ANO3: variants seen among roughly 807,000 people sequenced by gnomAD.
The protein encoded by ANO3 is anoctamin 3.
Under a neutral mutation model 144.8 loss-of-function variants are expected in ANO3, and 99 were observed. The ratio of observed to expected loss-of-function variants is 0.68; its 90% CI spans 0.58 to 0.81. The LOEUF (loss-of-function observed/expected upper bound fraction) is 0.81. ANO3 is among the 30% of genes least tolerant of loss of function. ANO3 has a pLI of 0.00. For missense variants in ANO3, 905 were observed against 1,202.2 expected, an observed-to-expected ratio of 0.75 and a Z score of 3.66; for synonymous variants, 414 against 392.6, an observed-to-expected ratio of 1.05 and a Z score of -0.64.
chr11:26,658,124 C>CATTTTGAGTTTATTTTTGA (rs71047872), intron 26 of ANO3, among the ~76,000 whole-genome samples: 82,045 of 151,352 alleles, frequency 0.54, 23,547 homozygotes, highest in South Asian at 0.72. Flanking sequence ...GTCTTTAATC[C>CATTTTGAGTTTATTTTTGA]ATTTGGTAAG....
chr11:26,543,948 T>A lies in ANO3; in HGVS notation c.1154+1880T>A, dbSNP rs1493742. Among the ~76,000 whole-genome samples, 996 of 151,498 alleles carry A rather than the reference T, an allele frequency of 6.6e-3. 6 individuals are homozygous for A. Among genetic ancestry groups the A allele is most frequent in the South Asian group, 0.03 (144 of 4,790 alleles). On this transcript the variant is annotated intron_variant, in intron 11 of 26. Transcript: ENST00000256737. Reference sequence around the variant, plus strand: ...TTTTAATTTCAAACATTAAGTGTTTTGGTATGTTCAGAACCAAGATGTTTT... The same window carrying A: ...TTTTAATTTCAAACATTAAGTGTTTAGGTATGTTCAGAACCAAGATGTTTT...
At chr11:26,310,694 T>A (rs964749705) in intron 1 of ANO3, among the ~76,000 whole-genome samples, 1 of 152,236 alleles carries the variant, frequency 6.6e-6, no homozygotes, top group Admixed American at 6.5e-5. Context: ...ATAGACACTA[T>A]AACTGCCAGT....
chr11:26,586,617 C>T (rs558212085), intron 14 of ANO3, among the ~76,000 whole-genome samples: 17 of 150,760 alleles, frequency 1.1e-4, no homozygotes, highest in Non-Finnish European at 2.2e-4. Flanking sequence ...ATTCTCCTGC[C>T]TCAGCCTCCC....
intron 1 of ANO3, among the ~76,000 whole-genome samples, chr11:26,208,512 C>CAAAAAAAAAAAAAAAAAAAAAAAAAAAAA (rs67196052): frequency 3.3e-5 from 4 of 121,746 alleles, no homozygotes; most frequent in African/African-American, 1.4e-4. Context: ...GACTCCGTCT[C>CAAAAAAAAAAAAAAAAAAAAAAAAAAAAA]AAAAAAAAAA....
intron 1 of ANO3, among the ~76,000 whole-genome samples, chr11:26,344,106 T>C (rs1855436013): frequency 6.6e-6 from 1 of 152,198 alleles, no homozygotes; most frequent in Admixed American, 6.5e-5. Flanking sequence ...ATTTCTTATA[T>C]AGCAGTAGTA....
intron 1 of ANO3, among the ~76,000 whole-genome samples, chr11:26,211,978 T>G (rs34391855): frequency 0.3 from 45,916 of 151,942 alleles, 7,676 homozygotes; most frequent in Non-Finnish European, 0.37. Flanking sequence ...AAACACTGCA[T>G]GTTCTCACTG....
intron 14 of ANO3, among the ~76,000 whole-genome samples, chr11:26,569,954 T>G (rs1850754452): frequency 6.6e-6 from 1 of 152,142 alleles, no homozygotes; most frequent in South Asian, 2.1e-4. Flanking sequence ...TTTTTGCATC[T>G]GGGTGGTAGC....
At chr11:26,267,788 T>C (rs1853347392) in intron 1 of ANO3, among the ~76,000 whole-genome samples, 1 of 152,182 alleles carries the variant, frequency 6.6e-6, no homozygotes, top group Non-Finnish European at 1.5e-5. Flanking sequence ...AATATTCCCT[T>C]TGCTGTGTCC....
At chr11:26,635,119 C>A in intron 20 of ANO3, 49 bp downstream of exon 20, 1 of 1,523,680 alleles carries the variant, frequency 6.6e-7, no homozygotes, top group Non-Finnish European at 9.1e-7. Flanking sequence ...GGATATGGGC[C>A]AGTTACTGCG....
intron 4 of ANO3, among the ~76,000 whole-genome samples, chr11:26,506,881 T>G (rs900187599): frequency 3.3e-5 from 5 of 152,196 alleles, no homozygotes; most frequent in Non-Finnish European, 7.3e-5. Context: ...CACCTGGAGC[T>G]GCCTATCTGC....
intron 1 of ANO3, among the ~76,000 whole-genome samples, chr11:26,243,339 C>CTT (rs1030346024): frequency 6.8e-6 from 1 of 147,378 alleles, no homozygotes; most frequent in South Asian, 2.2e-4. Context: ...AAAGTAAAGG[C>CTT]TTTTTTTTTT....
At chr11:26,479,861 G>C (rs1397577148) in intron 4 of ANO3, among the ~76,000 whole-genome samples, 1 of 152,182 alleles carries the variant, frequency 6.6e-6, no homozygotes, top group East Asian at 1.9e-4. Context: ...ATCTTTAGCA[G>C]TGCTTCCACT....
chr11:26,560,961 A>G, intron 14 of ANO3: 1 of 1,158,550 alleles, frequency 8.6e-7, no homozygotes, highest in African/African-American at 1.6e-5. Context: ...CTCCTTGACA[A>G]AATCCACGTG....
At chr11:26,195,363 G>T (rs1228694199) in intron 1 of ANO3, among the ~76,000 whole-genome samples, 22 of 152,190 alleles carry the variant, frequency 1.4e-4, no homozygotes, top group Non-Finnish European at 8.8e-5. Flanking sequence ...AAAGGAAAAT[G>T]AGGTTATGTA....
intron 7 of ANO3, among the ~76,000 whole-genome samples, chr11:26,529,583 G>T (rs935582553): frequency 6.8e-6 from 1 of 146,082 alleles, no homozygotes; most frequent in Non-Finnish European, 1.5e-5. Flanking sequence ...GTTGGCCAAA[G>T]AAATATTGAG....
At chr11:26,259,664 T>TC (rs371266149) in intron 1 of ANO3, among the ~76,000 whole-genome samples, 2,712 of 143,270 alleles carry the variant, frequency 0.019, 52 homozygotes, top group East Asian at 0.11. Flanking sequence ...CGAGACTCCA[T>TC]AAAAAAAAAA....
intron 4 of ANO3, among the ~76,000 whole-genome samples, chr11:26,489,092 A>T (rs999304818): frequency 2.6e-5 from 4 of 152,102 alleles, no homozygotes; most frequent in Non-Finnish European, 4.4e-5. Context: ...TTCACCTCTC[A>T]CCATCACAGG....
chr11:26,419,454 C>T (rs1425436362), intron 1 of ANO3, among the ~76,000 whole-genome samples: 1 of 152,042 alleles, frequency 6.6e-6, no homozygotes, highest in Non-Finnish European at 1.5e-5. Context: ...AAAAAGAATG[C>T]CTACCATGTA....
intron 1 of ANO3, among the ~76,000 whole-genome samples, chr11:26,350,553 C>G (rs1855621667): frequency 6.6e-6 from 1 of 152,118 alleles, no homozygotes; most frequent in Non-Finnish European, 1.5e-5. Context: ...TCTATTTAAT[C>G]TATTTCCAGT....
Sources: gnomAD v4.1 joint callset for allele counts (sites outside exome capture counted in the v4.1 genomes callset) on GRCh38, gnomAD v4.1.1 for gene constraint, MANE v1.5 for transcripts, NCBI Gene and HGNC (gene_info 2026-07-23, HGNC 2026-07-21) for gene names.